The following HIP1 variants were observed in gnomAD, a reference collection of about 807,000 sequenced individuals.
The protein encoded by HIP1 is huntingtin-interacting protein 1.
A neutral mutation model predicts 147.6 loss-of-function variants in HIP1; 65 were observed. The observed-to-expected ratio is 0.44, with a 90% confidence interval of 0.36 to 0.54. The LOEUF (loss-of-function observed/expected upper bound fraction) is 0.54. HIP1 is among the 20% of genes least tolerant of loss of function. HIP1 has a pLI of 0.00. For synonymous variants in HIP1, 479 were observed against 504.0 expected (o/e 0.95, Z 0.67); for missense variants, 1,061 against 1,299.6 (o/e 0.82, Z 2.82).
chr7:75,659,355 C>T lies in HIP1; in HGVS notation c.121-60108G>A, dbSNP rs1799234574. 3.3e-5 allele frequency among the ~76,000 whole-genome samples: 5 copies of T among 152,292 alleles called. 1 individual carries two copies. In the Middle Eastern group the frequency reaches 0.01, roughly 311 times the overall value. ...TATTCACAATGCTTTGTGGCAACTACTGTTATTAGAAACATAAGCAGGGCC... is the reference window on the plus strand; with the variant it reads ...TATTCACAATGCTTTGTGGCAACTATTGTTATTAGAAACATAAGCAGGGCC... On this transcript the variant is annotated intron_variant, in intron 1 of 30. Transcript: ENST00000336926.
At chr7:75,664,255 C>CACATATATGTAT (rs1298963342) in intron 1 of HIP1, among the ~76,000 whole-genome samples, 2 of 144,578 alleles carry the variant, frequency 1.4e-5, no homozygotes, top group Non-Finnish European at 3.0e-5. Flanking sequence ...ACTATATACA[C>CACATATATGTAT]ACATATATGT....
rs1466438045 is a variant in HIP1 at position 75,538,837 on chromosome 7, G to A, written c.3061+486C>T. ...GATCCGCCCGCCTCGGCCTCCCAAA[G>A]TGCTGGGATTATAGGCGTGAGCCAC... On this transcript the variant is annotated intron_variant, in intron 30 of 30. Transcript: ENST00000336926. 2.6e-5 allele frequency among the ~76,000 whole-genome samples: 4 copies of A among 152,048 alleles called. No homozygotes were observed. In the East Asian group the frequency reaches 7.7e-4, roughly 29 times the overall value.
At chr7:75,570,723 A>G (rs1183860200) in intron 8 of HIP1, among the ~76,000 whole-genome samples, 2 of 151,948 alleles carry the variant, frequency 1.3e-5, no homozygotes, top group Non-Finnish European at 2.9e-5. Flanking sequence ...TTTAGAAAAG[A>G]GGGCCAGCTG....
intron 1 of HIP1, among the ~76,000 whole-genome samples, chr7:75,654,256 A>G (rs1554512345): frequency 3.3e-5 from 5 of 152,040 alleles, no homozygotes; most frequent in African/African-American, 2.4e-5. Flanking sequence ...TTAGCTGGGC[A>G]TGGTGGCGCA....
chr7:75,728,644 G>T (rs1801728438), intron 1 of HIP1, among the ~76,000 whole-genome samples: 1 of 151,690 alleles, frequency 6.6e-6, no homozygotes, highest in Non-Finnish European at 1.5e-5. Flanking sequence ...GTGGGGCAGG[G>T]AATCTGATCT....
At chr7:75,734,242 T>A (rs1801939097) in intron 1 of HIP1, among the ~76,000 whole-genome samples, 1 of 140,374 alleles carries the variant, frequency 7.1e-6, no homozygotes, top group African/African-American at 2.8e-5. Flanking sequence ...TGAGACTCTG[T>A]CTCAAATAAA....
At chr7:75,574,897 C>T (rs587706489) in intron 7 of HIP1, among the ~76,000 whole-genome samples, 57 of 151,972 alleles carry the variant, frequency 3.8e-4, no homozygotes, top group African/African-American at 1.2e-3. Flanking sequence ...CAGTGGCTCA[C>T]GCCTGTAATC....
chr7:75,663,871 A>C (rs1799392934), intron 1 of HIP1, among the ~76,000 whole-genome samples: 1 of 150,708 alleles, frequency 6.6e-6, no homozygotes, highest in Non-Finnish European at 1.5e-5. Flanking sequence ...AGGGGATCAG[A>C]ACACAGGGAG....
At chr7:75,553,650 G>A in intron 21 of HIP1, 61 bp from the exon 22 acceptor site, 4 of 1,529,840 alleles carry the variant, frequency 2.6e-6, no homozygotes, top group Non-Finnish European at 3.6e-6. Flanking sequence ...TTGTTGCCCA[G>A]GCTGGAGTGC....
chr7:75,602,702 T>C (rs1454627849), intron 1 of HIP1, among the ~76,000 whole-genome samples: 4 of 151,762 alleles, frequency 2.6e-5, no homozygotes, highest in African/African-American at 9.7e-5. Context: ...TCTCCTTATA[T>C]ATTTTCTTCT....
chr7:75,609,554 CTTTT>C (rs112474718), intron 1 of HIP1, among the ~76,000 whole-genome samples: 1 of 150,272 alleles, frequency 6.7e-6, no homozygotes, highest in South Asian at 2.1e-4. Flanking sequence ...GTACCGTTTT[CTTTT>C]TTTTTCTTTT....
At chr7:75,550,890 T>C (rs979394363) in intron 22 of HIP1, among the ~76,000 whole-genome samples, 3 of 152,188 alleles carry the variant, frequency 2.0e-5, no homozygotes, top group Non-Finnish European at 4.4e-5. Context: ...TCTATGTATA[T>C]ACTCTAGAGA....
intron 1 of HIP1, among the ~76,000 whole-genome samples, chr7:75,676,001 T>C (rs1240964789): frequency 6.6e-6 from 1 of 152,218 alleles, no homozygotes; most frequent in Non-Finnish European, 1.5e-5. Context: ...TATTTTTTGC[T>C]TTCTTTGCAT....
chr7:75,546,859 G>A, intron 25 of HIP1, 80 bp downstream of exon 25: 1 of 979,806 alleles, frequency 1.0e-6, no homozygotes, highest in Non-Finnish European at 1.6e-6. Flanking sequence ...GAGTAAGACG[G>A]CAGCATCACA....
intron 1 of HIP1, among the ~76,000 whole-genome samples, chr7:75,700,278 C>A (rs190316928): frequency 5.9e-5 from 9 of 152,330 alleles, no homozygotes; most frequent in East Asian, 1.9e-4. Flanking sequence ...CCCGTCAGCT[C>A]TTCCTGGGGT....
chr7:75,550,618 A>G (rs1794745702), intron 22 of HIP1, among the ~76,000 whole-genome samples: 1 of 152,040 alleles, frequency 6.6e-6, no homozygotes, highest in Admixed American at 6.6e-5. Flanking sequence ...CTTGCTTTGT[A>G]GCCCAGGCTG....
At chr7:75,637,563 T>TTTTTAAGG (rs1584907476) in intron 1 of HIP1, among the ~76,000 whole-genome samples, 1 of 116,004 alleles carries the variant, frequency 8.6e-6, no homozygotes, top group African/African-American at 3.5e-5. Flanking sequence ...TTTTTTTTTT[T>TTTTTAAGG]GAGAGGGAGT....
chr7:75,631,881 T>C (rs587680939), intron 1 of HIP1, among the ~76,000 whole-genome samples: 14 of 151,522 alleles, frequency 9.2e-5, no homozygotes, highest in African/African-American at 3.1e-4. Flanking sequence ...GCTGCGCGTG[T>C]GTTGTGGGGG....
At position 75,692,256 on chromosome 7, in the gene HIP1, ATTAT is replaced by A. The variant is rs569223838; in HGVS notation, c.120+46541_120+46544del. 2.5e-3 allele frequency among the ~76,000 whole-genome samples: 385 copies of A among 151,660 alleles called. 3 individuals carry two copies. The highest frequency in any genetic ancestry group is 8.8e-3 in the African/African-American group (362 of 41,320). Reference sequence around the variant, plus strand: ...ATATATCTGCATTCCTTTTTCTTTAATTATTTATTGATTTTTTTTTAAGGCAGGG... The same window carrying A: ...ATATATCTGCATTCCTTTTTCTTTAATTATTGATTTTTTTTTAAGGCAGGG... On this transcript the variant is annotated intron_variant, in intron 1 of 30. Transcript: ENST00000336926.
Sources: allele counts gnomAD v4.1 joint callset (sites outside exome capture counted in the v4.1 genomes callset), GRCh38; gene constraint gnomAD v4.1.1; transcripts MANE v1.5; gene names NCBI Gene and HGNC (gene_info 2026-07-23, HGNC 2026-07-21).